The following MCFD2 variants were observed in gnomAD, a reference collection of about 807,000 sequenced individuals.
The protein encoded by MCFD2 is multiple coagulation factor deficiency protein 2.
MCFD2 carries 11 observed loss-of-function variants against 12.8 expected under a neutral mutation model. That is an observed-to-expected ratio of 0.86 (90% CI 0.54 to 1.42). The LOEUF (loss-of-function observed/expected upper bound fraction) is 1.42. Ranked by LOEUF, MCFD2 falls within the 40% of genes most tolerant of loss-of-function variation. MCFD2 has a pLI of 0.00. For missense variants in MCFD2, 191 were observed against 178.6 expected (o/e 1.07, Z -0.40); for synonymous variants, 70 against 68.1 (o/e 1.03, Z -0.14).
chr2:46,913,871 C>G (rs1001664843), intron 1 of MCFD2: 3 of 152,880 alleles, frequency 2.0e-5, no homozygotes, highest in Non-Finnish European at 4.4e-5. Flanking sequence ...CCATCTCCAA[C>G]TTCCTTCCAG....
Position 46,909,136 on chromosome 2 carries a change from C to G in MCFD2, c.36G>C (p.Leu12=), listed in dbSNP as rs766286526. The G allele has an allele frequency of 1.2e-6, 2 of 1,614,078 alleles. No homozygotes were observed. Among genetic ancestry groups the G allele is most frequent in the East Asian group, 2.2e-5 (1 of 44,900 alleles). ...CACAAAAGGCCCAGAGCAGGCCACA[C>G]AGGAAGGGGGTTCTGAGCAGGGATC... ...TMRSLLRTPF[L]CGLLWAFCAP... Residue 12 remains leucine (L), a synonymous_variant, in exon 2 of 4, where the codon CTG becomes CTC. Transcript: ENST00000319466.
At position 46,937,915 on chromosome 2, in the gene MCFD2, A is replaced by G. The variant is rs1205081693; in HGVS notation, c.-8+3657T>C. Among the ~76,000 whole-genome samples the G allele has an allele frequency of 6.6e-6, 1 of 152,108 alleles. No individual in the cohort carries two copies. Among genetic ancestry groups the G allele is most frequent in the African/African-American group, 2.4e-5 (1 of 41,426 alleles). On this transcript the variant is annotated intron_variant, in intron 1 of 2. Transcript: ENST00000409147. The surrounding 1 kb of genome is among the most constrained non-coding windows in gnomAD (Gnocchi z 4.0). ...GTTCAGCAGGTCATGGACTGAAGAA[A>G]ACTACTGTGTATATATATGTAAAAG...
chr2:46,909,204 A>C (rs770379717), intron 1 of MCFD2, 27 bp from the exon 2 acceptor site: 1 of 1,605,306 alleles, frequency 6.2e-7, no homozygotes, highest in South Asian at 1.1e-5. Flanking sequence ...ACAGAAGAGG[A>C]AGGCAGAGCA....
At chr2:46,930,407 TA>T (rs1466466169) in intron 1 of MCFD2, among the ~76,000 whole-genome samples, 1 of 128,800 alleles carries the variant, frequency 7.8e-6, no homozygotes, top group Non-Finnish European at 1.7e-5. Flanking sequence ...GCCTAAAATG[TA>T]AAAAGCTAGA....
upstream of MCFD2, chr2:46,916,016 G>T (rs973617303): frequency 2.0e-6 from 2 of 985,458 alleles, no homozygotes; most frequent in African/African-American, 1.7e-5. Flanking sequence ...CTCCACTCCA[G>T]TTGGGCCGCT....
At chr2:46,917,085 G>C, upstream of MCFD2, 1 of 677,104 alleles carries the variant, frequency 1.5e-6, no homozygotes, top group Admixed American at 2.3e-5. Context: ...TGCCATTGAC[G>C]GTCTCATTCC....
upstream of MCFD2, chr2:46,917,247 CTCCG>C (rs758843617): frequency 3.1e-5 from 22 of 700,130 alleles, 1 homozygote; most frequent in South Asian, 3.3e-4. Context: ...CTCCCACCAC[CTCCG>C]CCTCCCAAAG....
At chr2:46,915,806 G>GGGGGGGGGGGGGGGCGGCGGCCC, upstream of MCFD2, 1 of 512,582 alleles carries the variant, frequency 2.0e-6, no homozygotes, top group South Asian at 1.2e-4. Context: ...CCTCGGCTTC[G>GGGGGGGGGGGGGGGCGGCGGCCC]CCCCGCCCCC....
chr2:46,915,936 A>G (rs1668756394), upstream of MCFD2: 2 of 985,088 alleles, frequency 2.0e-6, no homozygotes, highest in Non-Finnish European at 2.4e-6. Flanking sequence ...TCCACGTGTA[A>G]TCGGCCCGGG....
At chr2:46,938,839 C>T (rs1670107565) in intron 1 of MCFD2, among the ~76,000 whole-genome samples, 1 of 151,692 alleles carries the variant, frequency 6.6e-6, no homozygotes, top group Non-Finnish European at 1.5e-5. Context: ...TAGTGAAACC[C>T]GTCTCTACTA....
At chr2:46,928,954 G>C (rs1212141348) in intron 1 of MCFD2, among the ~76,000 whole-genome samples, 1 of 152,134 alleles carries the variant, frequency 6.6e-6, no homozygotes, top group Admixed American at 6.5e-5. Context: ...CTTGAGGTGA[G>C]GATTTTGAGA....
intron 1 of MCFD2, among the ~76,000 whole-genome samples, chr2:46,911,281 C>A (rs963152996): frequency 6.6e-6 from 1 of 151,998 alleles, no homozygotes; most frequent in Admixed American, 6.5e-5. Context: ...GTGCATGTCA[C>A]CACGTCCAGC....
chr2:46,908,484 G>A lies in MCFD2; in HGVS notation c.150-515C>T, dbSNP rs376288386. 1.6e-5 allele frequency: 4 copies of A among 252,468 alleles called. No individual in the cohort carries two copies. Among genetic ancestry groups the A allele is most frequent in the Middle Eastern group, 1.5e-3 (1 of 684 alleles). 15.6% of individuals were successfully genotyped at this position (252,468 alleles called of 1,614,324 possible). ...TCCCTATATTGCCTAGGCTGGTCTC[G>A]AATTCCTGGGCTCAAGTAATCCACC... On this transcript the variant is annotated intron_variant, in intron 2 of 3. Transcript: ENST00000319466. The surrounding 1 kb of genome is among the most constrained non-coding windows in gnomAD (Gnocchi z 4.5).
upstream of MCFD2, chr2:46,916,022 C>T (rs1166128252): frequency 2.0e-6 from 2 of 985,316 alleles, no homozygotes; most frequent in East Asian, 1.1e-4. Context: ...TCCAGTTGGG[C>T]CGCTGGACGC....
At chr2:46,914,675 T>C (rs1353216260) in intron 1 of MCFD2, among the ~76,000 whole-genome samples, 1 of 152,064 alleles carries the variant, frequency 6.6e-6, no homozygotes, top group Non-Finnish European at 1.5e-5. Context: ...TACAACCTGG[T>C]AGAAAAGAGA....
chr2:46,920,348 G>C (rs1038377513), upstream of MCFD2, among the ~76,000 whole-genome samples: 1 of 150,222 alleles, frequency 6.7e-6, no homozygotes. Flanking sequence ...CCTTTTTTTT[G>C]AGACAGAGTC....
At chr2:46,931,692 T>TAATAAATAAATAAATAAATAAATA (rs10524721) in intron 1 of MCFD2, among the ~76,000 whole-genome samples, 1 of 148,548 alleles carries the variant, frequency 6.7e-6, no homozygotes, top group African/African-American at 2.5e-5. Flanking sequence ...AAACAGACAA[T>TAATAAATAAATAAATAAATAAATA]AATAAATAAA....
upstream of MCFD2, chr2:46,915,806 G>GGGGGGGGGGGGGCCC: frequency 5.9e-6 from 3 of 512,578 alleles, no homozygotes; most frequent in Non-Finnish European, 4.3e-6. Flanking sequence ...CCTCGGCTTC[G>GGGGGGGGGGGGGCCC]CCCCGCCCCC....
intron 1 of MCFD2, among the ~76,000 whole-genome samples, chr2:46,911,107 A>C (rs1668468169): frequency 1.3e-5 from 2 of 152,236 alleles, no homozygotes; most frequent in South Asian, 4.1e-4. Context: ...TCAAAATGCA[A>C]TCTGTCTCAG....
Sources: allele counts gnomAD v4.1 joint callset (sites outside exome capture counted in the v4.1 genomes callset), GRCh38; gene constraint gnomAD v4.1.1; non-coding constraint Gnocchi (gnomAD v3.1); transcripts MANE v1.5; gene names NCBI Gene and HGNC (gene_info 2026-07-23, HGNC 2026-07-21).